Variants in MYCBP2 observed in about 807,000 individuals in gnomAD.
The protein encoded by MYCBP2 is MYC binding protein 2.
In MYCBP2, 120 loss-of-function variants were observed where a neutral mutation model predicts 525.3. The ratio of observed to expected loss-of-function variants is 0.23; its 90% CI spans 0.20 to 0.27. The LOEUF is 0.27. Ranked by LOEUF, MYCBP2 falls within the 10% of genes least tolerant of loss-of-function variation. The probability of loss-of-function intolerance (pLI) is 1.00; values close to 1 mark genes in which losing one functional copy is unlikely to be tolerated. For synonymous variants in MYCBP2, 1,894 were observed against 1,955.8 expected (o/e 0.97, Z 0.83); for missense variants, 4,149 against 5,657.1 (o/e 0.73, Z 8.55).
intron 26 of MYCBP2, among the ~76,000 whole-genome samples, chr13:77,201,207 G>A (rs1398336066): frequency 6.6e-6 from 1 of 150,660 alleles, no homozygotes; most frequent in African/African-American, 2.5e-5. Context: ...GATCTACCAA[G>A]CAAATGGAAA....
Position 77,077,240 on chromosome 13 carries a change from T to C in MYCBP2, c.11632A>G (p.Thr3878Ala). ...GCTGAAATCTGGCCAGCTATTTTTG[T>C]GCTTTCACCATCTTTCCAGCCCAGG... ...KVLGWKDGES[T>A]KIAGQISASV... Residue 3878 changes from threonine (T) to alanine (A), a missense_variant, in exon 67 of 83, where the codon ACA becomes GCA. Thr to Ala is a moderately conservative substitution (Grantham distance 58). Coordinates refer to ENST00000544440, the MANE Select transcript of MYCBP2 (RefSeq NM_015057.5). 6.2e-7 allele frequency: 1 copy of C among 1,614,088 alleles called. No individual in the cohort carries two copies. The highest frequency in any genetic ancestry group is 8.5e-7 in the Non-Finnish European group (1 of 1,179,978).
chr13:77,173,789 C>G (rs565943226), intron 37 of MYCBP2, among the ~76,000 whole-genome samples: 2 of 152,218 alleles, frequency 1.3e-5, no homozygotes, highest in South Asian at 4.1e-4. Flanking sequence ...TGTTATCATT[C>G]TTTTATTTTC....
rs186244331 is a variant in MYCBP2 at position 77,073,021 on chromosome 13, T to C, written c.11824-2310A>G. 7.2e-5 allele frequency among the ~76,000 whole-genome samples: 11 copies of C among 152,330 alleles called. No homozygotes were observed. In the East Asian group the frequency reaches 1.7e-3, roughly 24 times the overall value. Reference sequence around the variant, plus strand: ...GAGATATAGTTCACATACCATGCTATTCATCTGTTTAAAGCATAGAATTCA... The same window carrying C: ...GAGATATAGTTCACATACCATGCTACTCATCTGTTTAAAGCATAGAATTCA... On this transcript the variant is annotated intron_variant, in intron 68 of 82. Coordinates refer to ENST00000544440, the MANE Select transcript of MYCBP2 (RefSeq NM_015057.5).
chr13:77,295,110 C>T (rs1224046454), intron 2 of MYCBP2, among the ~76,000 whole-genome samples: 1 of 152,004 alleles, frequency 6.6e-6, no homozygotes, highest in Non-Finnish European at 1.5e-5. Context: ...GAAGCAAGAG[C>T]TGAAAATATG....
Position 77,206,811 on chromosome 13 carries a change from G to A in MYCBP2, c.3431C>T (p.Thr1144Ile). 1 of 1,596,756 alleles carries A rather than the reference G, an allele frequency of 6.3e-7. No individual in the cohort carries two copies. Among genetic ancestry groups the A allele is most frequent in the Non-Finnish European group, 8.5e-7 (1 of 1,172,438 alleles). ...YDVIWRFRPNTRELWCYNAVV... is the reference protein window; with the variant it reads ...YDVIWRFRPNIRELWCYNAVV... ...CGCATTGTAACACCACAGCTCTCTA[G>A]TATTTGGTCGAAACCTTTAAAGAAA... Residue 1144 changes from threonine to isoleucine, a missense_variant, in exon 24 of 83, where the codon ACT becomes ATT. Transcript: ENST00000544440.
At position 77,051,064 on chromosome 13, in the gene MYCBP2, A is replaced by C; in HGVS notation, c.13854T>G (p.Asn4618Lys). ...TTCTTTGAAAATCATCATGACAAGC[A>C]TTACAAAAATGTGTTGTTCCAAAAC... ...FFCFGTTHFC[N>K]ACHDDFQRMT... The change falls in exon 82 of 83, where the codon AAT becomes AAG. Residue 4618 changes from asparagine (N) to lysine (K), a missense_variant. By Grantham distance (94) the Asn-to-Lys change is moderately conservative. Coordinates refer to ENST00000544440, the MANE Select transcript of MYCBP2 (RefSeq NM_015057.5). The C allele has an allele frequency of 6.2e-7, 1 of 1,613,698 alleles. No homozygotes were observed. Among genetic ancestry groups the C allele is most frequent in the East Asian group, 2.2e-5 (1 of 44,860 alleles).
intron 14 of MYCBP2, among the ~76,000 whole-genome samples, chr13:77,254,226 C>T (rs2071748121): frequency 6.6e-6 from 1 of 151,632 alleles, no homozygotes; most frequent in African/African-American, 2.4e-5. Flanking sequence ...TTATTTTACA[C>T]ATAAAATATA....
At chr13:77,137,618 T>G in intron 52 of MYCBP2, among the ~76,000 whole-genome samples, 1 of 152,066 alleles carries the variant, frequency 6.6e-6, no homozygotes, top group South Asian at 2.1e-4. Context: ...AGACAGAGAT[T>G]CGCTCTGTCT....
chr13:77,176,659 C>T (rs1242028899), intron 35 of MYCBP2, 31 bp from the exon 36 acceptor site: 3 of 1,463,466 alleles, frequency 2.0e-6, no homozygotes, highest in South Asian at 1.6e-5. Context: ...ACAAAAATTC[C>T]AACAGACTCT....
At chr13:77,170,320 A>G (rs1272554067) in intron 38 of MYCBP2, among the ~76,000 whole-genome samples, 1 of 152,240 alleles carries the variant, frequency 6.6e-6, no homozygotes, top group African/African-American at 2.4e-5. Flanking sequence ...ATCCATGAAC[A>G]TGGTGCTGGA....
At chr13:77,156,236 C>A (rs765142800) in intron 45 of MYCBP2, 34 bp from the exon 46 acceptor site, 35 of 1,583,738 alleles carry the variant, frequency 2.2e-5, no homozygotes, top group Non-Finnish European at 2.6e-5. Flanking sequence ...AACAAAACCC[C>A]AAACACTGAT....
intron 47 of MYCBP2, among the ~76,000 whole-genome samples, chr13:77,146,846 ATGTAGT>A (rs2055664547): frequency 6.6e-6 from 1 of 152,172 alleles, no homozygotes; most frequent in Non-Finnish European, 1.5e-5. Context: ...GCAATACTTA[ATGTAGT>A]TGTAGTTGTG....
At chr13:77,146,545 T>A (rs1229134001) in intron 47 of MYCBP2, among the ~76,000 whole-genome samples, 1 of 151,986 alleles carries the variant, frequency 6.6e-6, no homozygotes, top group East Asian at 1.9e-4. Context: ...GATTTGTAAC[T>A]CGTATAACCC....
intron 58 of MYCBP2, among the ~76,000 whole-genome samples, chr13:77,094,337 C>T (rs2045911131): frequency 6.6e-6 from 1 of 152,090 alleles, no homozygotes; most frequent in South Asian, 2.1e-4. Flanking sequence ...CCACTGAGGT[C>T]CAATATATGA....
chr13:77,077,524 G>C, intron 66 of MYCBP2, 137 bp from the exon 67 acceptor site: 1 of 1,025,190 alleles, frequency 9.8e-7, no homozygotes, highest in Admixed American at 2.5e-5. Context: ...ATTTCACACT[G>C]ATTTTCTTAT....
intron 82 of MYCBP2, among the ~76,000 whole-genome samples, chr13:77,049,753 A>T (rs2036358309): frequency 6.6e-6 from 1 of 152,002 alleles, no homozygotes. Flanking sequence ...CTCTGGCCTC[A>T]GCCTCGTGAG....
intron 20 of MYCBP2, 134 bp from the exon 21 acceptor site, chr13:77,218,091 C>T (rs1309984212): frequency 3.9e-6 from 2 of 518,480 alleles, no homozygotes; most frequent in South Asian, 7.0e-5. Flanking sequence ...CATTTAAGTG[C>T]TAAACGCCTA....
At chr13:77,265,039 A>C (rs2154340624) in intron 8 of MYCBP2, among the ~76,000 whole-genome samples, 1 of 152,274 alleles carries the variant, frequency 6.6e-6, no homozygotes, top group South Asian at 2.1e-4. Flanking sequence ...CACCCGAATA[A>C]GCTGGATTAT....
intron 17 of MYCBP2, among the ~76,000 whole-genome samples, chr13:77,234,986 G>A (rs920868619): frequency 3.3e-5 from 5 of 151,838 alleles, no homozygotes; most frequent in Middle Eastern, 3.4e-3. Context: ...AAGAAGGCAC[G>A]GGGGCAATCA....
Sources: gnomAD v4.1 joint callset for allele counts (sites outside exome capture counted in the v4.1 genomes callset) on GRCh38, gnomAD v4.1.1 for gene constraint, MANE v1.5 for transcripts, NCBI Gene and HGNC (gene_info 2026-07-23, HGNC 2026-07-21) for gene names.